The following APP variants were observed in gnomAD, a reference collection of about 807,000 sequenced individuals.
APP encodes amyloid-beta precursor protein.
In APP, 31 loss-of-function variants were observed where a neutral mutation model predicts 101.4. The ratio of observed to expected loss-of-function variants is 0.31; its 90% CI spans 0.23 to 0.41. The LOEUF is 0.41. Ranked by LOEUF, APP falls within the 10% of genes least tolerant of loss-of-function variation. The pLI, the probability that APP is intolerant of heterozygous loss-of-function variation, is 1.00. For synonymous variants in APP, 366 were observed against 364.4 expected (o/e 1.00, Z -0.05); for missense variants, 839 against 1,003.7 (o/e 0.84, Z 2.22).
intron 1 of APP, among the ~76,000 whole-genome samples, chr21:26,152,973 C>T (rs565205688): frequency 6.6e-6 from 1 of 152,268 alleles, no homozygotes; most frequent in East Asian, 1.9e-4. Flanking sequence ...TTACAAGGAA[C>T]AAAATAATGT....
intron 3 of APP, among the ~76,000 whole-genome samples, chr21:26,077,417 G>A (rs572920764): frequency 1.3e-5 from 2 of 152,010 alleles, no homozygotes; most frequent in Admixed American, 6.5e-5. Flanking sequence ...ATACTTAGGC[G>A]TATTTTTATC....
intron 1 of APP, among the ~76,000 whole-genome samples, chr21:26,170,274 C>G (rs1569060521): frequency 6.6e-6 from 1 of 152,138 alleles, no homozygotes; most frequent in Admixed American, 6.5e-5. Flanking sequence ...GGGACTAAGT[C>G]GGGGTCTGGG....
chr21:26,022,844 A>G (rs1025858401), intron 5 of APP, among the ~76,000 whole-genome samples: 1 of 150,266 alleles, frequency 6.7e-6, no homozygotes, highest in Non-Finnish European at 1.5e-5. Flanking sequence ...CACAGGTGGA[A>G]GATGAAGCTG....
At chr21:26,118,645 T>A (rs572886269) in intron 1 of APP, among the ~76,000 whole-genome samples, 5 of 152,154 alleles carry the variant, frequency 3.3e-5, no homozygotes, top group African/African-American at 9.7e-5. Context: ...CTCTGCCTCC[T>A]GGGTTCAAGC....
chr21:25,987,466 T>C (rs2042681747), intron 8 of APP, among the ~76,000 whole-genome samples: 2 of 152,216 alleles, frequency 1.3e-5, no homozygotes, highest in Non-Finnish European at 2.9e-5. Flanking sequence ...AAATGACCTT[T>C]GTATTTTAGT....
intron 1 of APP, among the ~76,000 whole-genome samples, chr21:26,169,826 G>A (rs1245788022): frequency 6.6e-6 from 1 of 152,230 alleles, no homozygotes; most frequent in Admixed American, 6.5e-5. Context: ...GTCCAGACTT[G>A]GGGAAGGCGC....
rs886730650 is a variant in APP at position 25,999,962 on chromosome 21, G to C, written c.1033+53C>G. ...AAATCAATCTGTTACAAAAAGCAGA[G>C]TCAGTGGCGAGAGAGACGAAAGGTG... On this transcript the variant is annotated intron_variant, in intron 7 of 17. Coordinates refer to ENST00000346798, the MANE Select transcript of APP (RefSeq NM_000484.4). 1.4e-5 allele frequency: 22 copies of C among 1,589,948 alleles called. No individual in the cohort carries two copies. In the African/African-American group the frequency reaches 3.0e-4, roughly 21 times the overall value.
At chr21:26,140,506 C>CTTTGTGCCAAG in intron 1 of APP, 1 of 553,436 alleles carries the variant, frequency 1.8e-6, no homozygotes, top group Non-Finnish European at 2.7e-6. Flanking sequence ...ATTTTCTTGG[C>CTTTGTGCCAAG]ACAAAGCCAA....
intron 3 of APP, among the ~76,000 whole-genome samples, chr21:26,075,902 A>AT (rs573028795): frequency 6.6e-4 from 100 of 151,752 alleles, no homozygotes; most frequent in African/African-American, 2.3e-3. Flanking sequence ...TTATTGTTTA[A>AT]TTTTTTTTGA....
chr21:26,028,253 G>A (rs756324356), intron 5 of APP, among the ~76,000 whole-genome samples: 9 of 151,470 alleles, frequency 5.9e-5, no homozygotes, highest in Non-Finnish European at 1.0e-4. Flanking sequence ...TCACAATCTT[G>A]ATCTGAAATT....
chr21:25,914,549 CTT>C lies in APP; in HGVS notation c.1688-2589_1688-2588del, dbSNP rs10647133. On this transcript the variant is annotated intron_variant, in intron 13 of 17. Coordinates refer to ENST00000346798, the MANE Select transcript of APP (RefSeq NM_000484.4). ...TCTGGAGGATGCAGCCACAAGGCGC[CTT>C]TTTTTTTTTTTTTTTTTTTTGAGAC... is the stretch of plus-strand genomic sequence containing the variant. Among the ~76,000 whole-genome samples, 416 of 114,760 alleles carry C rather than the reference CTT, an allele frequency of 3.6e-3. 4 individuals carry two copies. Among genetic ancestry groups the C allele is most frequent in the African/African-American group, 0.016 (383 of 23,806 alleles). 75.3% of individuals were successfully genotyped at this position (114,760 alleles called of 152,430 possible). A position where few individuals can be genotyped will look rare whatever the true frequency, so the allele number is the denominator to read the frequency against.
At chr21:26,018,333 C>A (rs2044191695) in intron 6 of APP, among the ~76,000 whole-genome samples, 1 of 152,220 alleles carries the variant, frequency 6.6e-6, no homozygotes, top group East Asian at 1.9e-4. Context: ...AGCCTCCCTG[C>A]AGTATCTCAT....
intron 13 of APP, among the ~76,000 whole-genome samples, chr21:25,935,850 A>AAC (rs1555898884): frequency 1.3e-5 from 2 of 150,958 alleles, no homozygotes; most frequent in African/African-American, 4.9e-5. Context: ...AAAAAAAAAA[A>AAC]AAAAAAAAAA....
At chr21:26,089,882 C>T in intron 3 of APP, 61 bp downstream of exon 3, 1 of 1,610,314 alleles carries the variant, frequency 6.2e-7, no homozygotes, top group Non-Finnish European at 8.5e-7. Context: ...GGAGCATCCT[C>T]TTTTTCTTCC....
intron 3 of APP, among the ~76,000 whole-genome samples, chr21:26,087,639 TTC>T (rs1394465289): frequency 2.0e-5 from 3 of 152,212 alleles, no homozygotes; most frequent in African/African-American, 7.2e-5. Context: ...TTCTCTCCAT[TTC>T]TCCTTGCCAG....
At chr21:26,015,160 C>A (rs868525056) in intron 6 of APP, among the ~76,000 whole-genome samples, 1 of 152,076 alleles carries the variant, frequency 6.6e-6, no homozygotes, top group Admixed American at 6.6e-5. Flanking sequence ...ACATTTATGC[C>A]TTTTATAATT....
intron 3 of APP, among the ~76,000 whole-genome samples, chr21:26,063,193 T>TA (rs1474192048): frequency 6.6e-6 from 1 of 152,202 alleles, no homozygotes; most frequent in Non-Finnish European, 1.5e-5. Context: ...GGTAATACGT[T>TA]AGAGTAGGAA....
At chr21:26,105,799 C>T (rs553847416) in intron 2 of APP, among the ~76,000 whole-genome samples, 2 of 152,302 alleles carry the variant, frequency 1.3e-5, no homozygotes, top group South Asian at 4.2e-4. Context: ...ACTTAAAATC[C>T]TAATGCATGA....
At chr21:26,149,017 T>C (rs1184167193) in intron 1 of APP, among the ~76,000 whole-genome samples, 1 of 152,106 alleles carries the variant, frequency 6.6e-6, no homozygotes, top group East Asian at 1.9e-4. Context: ...AATAATGGAA[T>C]TGGGAGGGGG....
Sources: allele counts gnomAD v4.1 joint callset (sites outside exome capture counted in the v4.1 genomes callset), GRCh38; gene constraint gnomAD v4.1.1; transcripts MANE v1.5; gene names NCBI Gene and HGNC (gene_info 2026-07-23, HGNC 2026-07-21).